The following SUMF1 variants were observed in gnomAD, a reference collection of about 807,000 sequenced individuals.
SUMF1 encodes the protein formylglycine-generating enzyme.
In SUMF1, 48 loss-of-function variants were observed where a neutral mutation model predicts 47.6. The observed-to-expected ratio is 1.01, with a 90% CI of 0.80 to 1.28. The LOEUF is 1.28. Among genes scored for constraint, SUMF1 ranks in the 50% most tolerant of loss-of-function variants. The pLI is 0.00. For missense variants in SUMF1, 571 were observed against 485.4 expected (o/e 1.18, Z -1.66); for synonymous variants, 230 against 192.1 (o/e 1.20, Z -1.63).
At chr3:4,407,099 C>T (rs549674850) in intron 7 of SUMF1, among the ~76,000 whole-genome samples, 5 of 152,060 alleles carry the variant, frequency 3.3e-5, no homozygotes, top group Admixed American at 2.6e-4. Flanking sequence ...CACACACACA[C>T]ACACACACAC....
chr3:4,269,669 C>T (rs1425674669), intron 8 of SUMF1, among the ~76,000 whole-genome samples: 1 of 152,160 alleles, frequency 6.6e-6, no homozygotes, highest in Non-Finnish European at 1.5e-5. Context: ...CAAAAATTCA[C>T]ATTTCCCAAA....
intron 8 of SUMF1, among the ~76,000 whole-genome samples, chr3:4,217,523 T>TATTATATATATATAATATATATATATA (rs1553610084): frequency 4.1e-5 from 2 of 48,582 alleles, no homozygotes; most frequent in African/African-American, 1.6e-4. Flanking sequence ...TTTATATATA[T>TATTATATATATATAATATATATATATA]ATATATATAT....
At chr3:4,341,788 T>A (rs1699277513) in intron 8 of SUMF1, among the ~76,000 whole-genome samples, 1 of 152,252 alleles carries the variant, frequency 6.6e-6, no homozygotes, top group Admixed American at 6.5e-5. Context: ...TTTGTAGCTA[T>A]TAGACTTCTT....
At chr3:4,069,889 C>T (rs1320385465) in intron 8 of SUMF1, among the ~76,000 whole-genome samples, 3 of 152,048 alleles carry the variant, frequency 2.0e-5, no homozygotes, top group Non-Finnish European at 2.9e-5. Context: ...ATAGAGAATC[C>T]CCTTTCCCCT....
At chr3:4,426,078 T>A (rs2125059556) in intron 3 of SUMF1, among the ~76,000 whole-genome samples, 1 of 152,244 alleles carries the variant, frequency 6.6e-6, no homozygotes, top group South Asian at 2.1e-4. Context: ...GGAGCTACAA[T>A]TCATTCAAGA....
intron 3 of SUMF1, among the ~76,000 whole-genome samples, chr3:4,435,004 T>G (rs930690893): frequency 1.3e-5 from 2 of 152,204 alleles, no homozygotes; most frequent in African/African-American, 4.8e-5. Context: ...CTCAGCTCAC[T>G]GCAACCTCCG....
intron 8 of SUMF1, among the ~76,000 whole-genome samples, chr3:4,183,215 TAAG>T (rs1382950147): frequency 2.6e-5 from 4 of 152,156 alleles, no homozygotes; most frequent in African/African-American, 9.7e-5. Context: ...TGTATAAAAT[TAAG>T]AATGTTTAGT....
intron 8 of SUMF1, among the ~76,000 whole-genome samples, chr3:4,174,920 C>T (rs556388756): frequency 2.0e-5 from 3 of 152,364 alleles, no homozygotes; most frequent in Non-Finnish European, 4.4e-5. Context: ...CCCACGAAGC[C>T]TTGCTCACTG....
At chr3:4,192,947 G>C (rs112842648) in intron 8 of SUMF1, among the ~76,000 whole-genome samples, 2 of 152,134 alleles carry the variant, frequency 1.3e-5, no homozygotes, top group African/African-American at 4.8e-5. Flanking sequence ...TGTCTGCCAC[G>C]TAAGAATATT....
chr3:4,459,368 G>C (rs952137861), intron 1 of SUMF1, among the ~76,000 whole-genome samples: 1 of 151,348 alleles, frequency 6.6e-6, no homozygotes, highest in African/African-American at 2.4e-5. Context: ...AAATTAGAAA[G>C]GGGAAAAAAA....
chr3:4,439,439 T>G (rs1320155509), intron 3 of SUMF1, among the ~76,000 whole-genome samples: 1 of 152,006 alleles, frequency 6.6e-6, no homozygotes, highest in African/African-American at 2.4e-5. Context: ...GGTGGGAGGA[T>G]GGCTTGAGCC....
At chr3:4,127,307 G>A (rs1333490165) in intron 8 of SUMF1, among the ~76,000 whole-genome samples, 1 of 152,104 alleles carries the variant, frequency 6.6e-6, no homozygotes. Context: ...GGTTAATATT[G>A]GGTGTCAACT....
chr3:4,196,918 A>G (rs78384310), intron 8 of SUMF1, among the ~76,000 whole-genome samples: 4,298 of 152,166 alleles, frequency 0.028, 87 homozygotes, highest in African/African-American at 0.05. Context: ...CTAATTGGCC[A>G]CCTCAACACC....
chr3:4,313,488 C>G (rs1176573145), intron 8 of SUMF1: 6 of 1,613,648 alleles, frequency 3.7e-6, no homozygotes, highest in Non-Finnish European at 5.1e-6. Flanking sequence ...TTTTTGCAGC[C>G]AAAGATATTG....
At position 4,301,474 on chromosome 3, in the gene SUMF1, G is replaced by A. The variant is rs145341734; in HGVS notation, c.1014+74856C>T. On this transcript the variant is annotated intron_variant and NMD_transcript_variant, in intron 8 of 12. Coordinates refer to the SUMF1 transcript ENST00000448413. ...ATCTTCAAAGGTCATTGTAGCAGCG[G>A]CAGTAAGGGTGATTTGGGGATATGG... 2.0e-4 allele frequency among the ~76,000 whole-genome samples: 30 copies of A among 152,320 alleles called. No individual in the cohort carries two copies. In the East Asian group the frequency reaches 5.6e-3, roughly 28 times the overall value.
intron 8 of SUMF1, chr3:4,303,986 A>T (rs1698070130): frequency 1.7e-6 from 1 of 589,628 alleles, no homozygotes; most frequent in Non-Finnish European, 2.5e-6. Flanking sequence ...GGCGAGTGTA[A>T]ATTAGCTGTG....
At chr3:4,385,714 T>C (rs1700650447) in intron 7 of SUMF1, among the ~76,000 whole-genome samples, 1 of 152,180 alleles carries the variant, frequency 6.6e-6, no homozygotes, top group African/African-American at 2.4e-5. Context: ...TAGGCCTAGA[T>C]CTCAGATTTT....
At chr3:4,110,029 C>A (rs529704851) in intron 8 of SUMF1, among the ~76,000 whole-genome samples, 2 of 152,088 alleles carry the variant, frequency 1.3e-5, no homozygotes, top group African/African-American at 4.8e-5. Context: ...AGTTTTTCTG[C>A]TCTGTTTTTT....
Position 4,366,273 on chromosome 3 carries a change from G to C in SUMF1, c.1015-4019C>G, listed in dbSNP as rs143991565. ...ATCTGAATGTTGGCCTGCCTTGTTAGATTGGGGAAGTTCTCCTGGATAATA... is the reference window on the plus strand; with the variant it reads ...ATCTGAATGTTGGCCTGCCTTGTTACATTGGGGAAGTTCTCCTGGATAATA... On this transcript the variant is annotated intron_variant, in intron 8 of 8. Coordinates refer to ENST00000272902, the MANE Select transcript of SUMF1 (RefSeq NM_182760.4). Among the ~76,000 whole-genome samples, 577 of 152,254 alleles carry C rather than the reference G, an allele frequency of 3.8e-3. 6 individuals are homozygous for C. The highest frequency in any genetic ancestry group is 0.013 in the African/African-American group (558 of 41,518).
Sources: gnomAD v4.1 joint callset for allele counts (sites outside exome capture counted in the v4.1 genomes callset) on GRCh38, gnomAD v4.1.1 for gene constraint, MANE v1.5 for transcripts, NCBI Gene and HGNC (gene_info 2026-07-23, HGNC 2026-07-21) for gene names.